The following SYN1 variants were observed in gnomAD, a reference collection of about 807,000 sequenced individuals.
SYN1 encodes the protein synapsin I.
A neutral mutation model predicts 44.6 loss-of-function variants in SYN1; 8 were observed. That is an observed-to-expected ratio of 0.18 (90% CI 0.11 to 0.32). The LOEUF (loss-of-function observed/expected upper bound fraction) is 0.32, where lower values mean the gene tolerates loss of function less well. Among genes scored for constraint, SYN1 ranks in the 10% least tolerant of loss-of-function variants. The pLI, the probability that SYN1 is intolerant of heterozygous loss-of-function variation, is 1.00. For missense variants in SYN1, 451 were observed against 639.4 expected (o/e 0.71, Z 3.18); for synonymous variants, 275 against 280.1 (o/e 0.98, Z 0.18).
At chrX:47,591,882 C>T (rs1014215924) in intron 5 of SYN1, among the ~76,000 whole-genome samples, 1 of 111,508 alleles carries the variant, frequency 9.0e-6, no homozygotes, top group Non-Finnish European at 1.9e-5. Context: ...ATGGCAAAAA[C>T]GAAACTTTAC....
chrX:47,610,142 G>A (rs769927312), intron 1 of SYN1, among the ~76,000 whole-genome samples: 18 of 111,794 alleles, frequency 1.6e-4, no homozygotes, highest in Non-Finnish European at 3.0e-4. Flanking sequence ...TGCAGTCAGA[G>A]GGCAGACAGA....
intron 1 of SYN1, among the ~76,000 whole-genome samples, chrX:47,617,332 G>A (rs966521388): frequency 1.8e-5 from 2 of 111,016 alleles, no homozygotes; most frequent in African/African-American, 6.6e-5. Context: ...AGAGGAAGTT[G>A]AAAGTGACTT....
At chrX:47,607,713 C>G (rs1204885668) in intron 1 of SYN1, among the ~76,000 whole-genome samples, 1 of 58,073 alleles carries the variant, frequency 1.7e-5, no homozygotes, top group Non-Finnish European at 3.1e-5. Flanking sequence ...ACCCCCATCT[C>G]TACAAAAAAA....
chrX:47,619,080 T>C (rs1015906393), intron 1 of SYN1, among the ~76,000 whole-genome samples: 1 of 110,225 alleles, frequency 9.1e-6, no homozygotes, highest in Admixed American at 9.6e-5. Context: ...TAGGATATAT[T>C]GAAGCCAAAG....
chrX:47,572,696 G>T lies in SYN1; in HGVS notation c.*168C>A. On this transcript the variant is annotated 3_prime_UTR_variant, in exon 13 of 13. Transcript: ENST00000295987. ...ATGTGAGAACCGGATTTAGGGCCAG[G>T]AGGAGTCAGGTTTCTCAAGGTACTC... The T allele has an allele frequency of 1.5e-6, 1 of 686,556 alleles. No homozygotes were observed. Among genetic ancestry groups the T allele is most frequent in the Non-Finnish European group, 2.2e-6 (1 of 460,878 alleles). The allele number at this position is 686,556 out of a possible 1,213,427, so 56.6% of individuals were successfully genotyped here.
chrX:47,583,393 C>T (rs1319030396), intron 5 of SYN1: 9 of 1,182,513 alleles, frequency 7.6e-6, no homozygotes, highest in Non-Finnish European at 7.9e-6. Flanking sequence ...TGCCTGACAT[C>T]CCCCTTCCCC....
intron 5 of SYN1, chrX:47,585,446 C>T: frequency 8.4e-7 from 1 of 1,193,425 alleles, no homozygotes; most frequent in Non-Finnish European, 1.1e-6. Flanking sequence ...TGGGGACCAC[C>T]CCAATTTCAG....
rs2057777596 is a variant in SYN1 at position 47,576,341 on chromosome X, A to G, written c.1046T>C (p.Met349Thr). 8.3e-7 allele frequency: 1 copy of G among 1,211,725 alleles called. No homozygotes were observed. Among genetic ancestry groups the G allele is most frequent in the South Asian group, 1.8e-5 (1 of 56,963 alleles). ...TGSAMLEQIA[M>T]SDRYKLWVDT... is the part of the protein sequence containing the mutation. ...AGTTCGGGCTGCCCACCTGTCAGACATGGCAATTTGCTCCAGCATCGCAGA... is the reference window on the plus strand; with the variant it reads ...AGTTCGGGCTGCCCACCTGTCAGACGTGGCAATTTGCTCCAGCATCGCAGA... The change falls in exon 8 of 13, where the codon ATG (methionine) becomes ACG (threonine). Residue 349 changes from methionine to threonine, a missense_variant. Transcript: ENST00000295987.
intron 1 of SYN1, among the ~76,000 whole-genome samples, chrX:47,617,089 C>T (rs1179333121): frequency 9.0e-6 from 1 of 111,561 alleles, no homozygotes; most frequent in East Asian, 2.8e-4. Flanking sequence ...AGGGTTATTC[C>T]TAGTATATAA....
At chrX:47,604,731 T>C (rs947151921) in intron 5 of SYN1, 3 of 399,021 alleles carry the variant, frequency 7.5e-6, no homozygotes, top group Non-Finnish European at 1.3e-5. Flanking sequence ...AATAGGTTTT[T>C]AATACTGGCA....
chrX:47,605,667 AAG>A (rs1190001957), intron 3 of SYN1, among the ~76,000 whole-genome samples: 1 of 110,840 alleles, frequency 9.0e-6, no homozygotes, highest in African/African-American at 3.3e-5. Context: ...CTCAGACTGC[AAG>A]CTGTCTTCAG....
chrX:47,576,499 T>A lies in SYN1; in HGVS notation c.979A>T (p.Met327Leu). ...QKIGQNYKAY[M>L]RTSVSGNWKT... ...CAGGGCTTTGGTCTCTCCACTCACA[T>A]GTAGGCCTTGTAGTTCTGCCCAATC... The change falls in exon 7 of 13, where the codon ATG becomes TTG. Residue 327 changes from methionine to leucine, a missense_variant and splice_region_variant. By Grantham distance (15) the Met-to-Leu change is conservative (BLOSUM62 2). Around this residue, in one of 3 missense-constraint regions of SYN1, gnomAD observed 315 missense variants for 451.4 expected, o/e 0.70. Transcript: ENST00000295987. The A allele has an allele frequency of 8.3e-7, 1 of 1,211,794 alleles. No homozygotes were observed. The highest frequency in any genetic ancestry group is 1.1e-6 in the Non-Finnish European group (1 of 895,541).
rs375349005 is a variant in SYN1, at chrX:47,576,425, G to A, written c.981-19C>T. On this transcript the variant is annotated intron_variant, in intron 7 of 12. Transcript: ENST00000295987. ...CGTCCTCCTGGGGGACAAGGGGACA[G>A]AAGCTCAGGGGTGCCTCAGCTGCAT... 5.1e-5 allele frequency: 62 copies of A among 1,210,707 alleles called. No individual in the cohort carries two copies. Among genetic ancestry groups the A allele is most frequent in the Non-Finnish European group, 1.5e-5 (13 of 895,342 alleles).
Position 47,572,737 on chromosome X carries a change from T to G in SYN1, c.*127A>C. The G allele has an allele frequency of 9.9e-7, 1 of 1,005,522 alleles. No individual in the cohort carries two copies. Among genetic ancestry groups the G allele is most frequent in the Non-Finnish European group, 1.4e-6 (1 of 722,542 alleles). The allele number at this position is 1,005,522 out of a possible 1,213,427, so 82.9% of individuals were successfully genotyped here. ...CAAGGTACTCGGGGATCTTGAGGAA[T>G]GAGAGGTGGAATCTTGGAGAACCGG... On this transcript the variant is annotated 3_prime_UTR_variant, in exon 13 of 13. Transcript: ENST00000295987.
chrX:47,586,888 G>C, intron 5 of SYN1: 1 of 474,494 alleles, frequency 2.1e-6, no homozygotes, highest in East Asian at 3.8e-5. Flanking sequence ...CCAAATGTTG[G>C]GTTTTTATAT....
At position 47,574,269 on chromosome X, in the gene SYN1, G is replaced by C; in HGVS notation, c.1715C>G (p.Pro572Arg). ...QATRQTSVSG[P>R]APPKASGAPP... ...GGCCCCAGAGGCCTTTGGCGGAGCC[G>C]GGCCAGAGACGGATGTCTGACGGGT... Residue 572 changes from proline (P) to arginine (R), a missense_variant, in exon 12 of 13, where the codon CCG (proline) becomes CGG (arginine). Pro to Arg is a moderately radical substitution (Grantham distance 103). This residue lies in a region of SYN1 where 127 missense variants were observed against 154.8 expected (regional missense o/e 0.82). Transcript: ENST00000295987. The C allele has an allele frequency of 9.1e-7, 1 of 1,104,803 alleles. No individual in the cohort carries two copies. The highest frequency in any genetic ancestry group is 1.2e-6 in the Non-Finnish European group (1 of 849,362). 91.0% of individuals were successfully genotyped at this position (1,104,803 alleles called of 1,213,427 possible).
intron 5 of SYN1, among the ~76,000 whole-genome samples, chrX:47,598,507 A>G (rs983201275): frequency 2.1e-4 from 23 of 112,048 alleles, no homozygotes; most frequent in African/African-American, 7.4e-4. Context: ...AGCATGGGCA[A>G]CATGGCAAGG....
chrX:47,586,592 C>G, intron 5 of SYN1: 2 of 1,212,150 alleles, frequency 1.6e-6, no homozygotes, highest in South Asian at 3.5e-5. Flanking sequence ...ACCAGCTCCT[C>G]CAAGGCTCTG....
At chrX:47,590,768 C>T (rs1476964173) in intron 5 of SYN1, among the ~76,000 whole-genome samples, 1 of 112,115 alleles carries the variant, frequency 8.9e-6, no homozygotes, top group African/African-American at 3.2e-5. Context: ...TGTGGCTCAC[C>T]CCTGTTCTTC....
Sources: allele counts gnomAD v4.1 joint callset (sites outside exome capture counted in the v4.1 genomes callset), GRCh38; gene constraint gnomAD v4.1.1; regional missense constraint gnomAD v4.1.1; transcripts MANE v1.5; gene names NCBI Gene and HGNC (gene_info 2026-07-23, HGNC 2026-07-21).